Variants in CMC1 observed in about 807,000 individuals in gnomAD.
CMC1 encodes C-X9-C motif containing 1.
In CMC1, 14 loss-of-function variants were observed where a neutral mutation model predicts 14.1. The observed-to-expected ratio is 0.99, with a 90% CI of 0.66 to 1.55. CMC1 has a LOEUF of 1.55. CMC1 is among the 40% of genes most tolerant of loss of function. The probability of loss-of-function intolerance (pLI) is 0.00; values close to 1 mark genes in which losing one functional copy is unlikely to be tolerated. For missense variants in CMC1, 127 were observed against 123.8 expected (o/e 1.03, Z -0.12); for synonymous variants, 50 against 38.4 (o/e 1.30, Z -1.12).
chr3:28,271,281 A>AGC (rs1700273143), intron 2 of CMC1, among the ~76,000 whole-genome samples: 1 of 151,812 alleles, frequency 6.6e-6, no homozygotes, highest in African/African-American at 2.4e-5. Flanking sequence ...TTATGTTTTG[A>AGC]TAGGGATGGT....
chr3:28,306,748 A>G (rs970179728), intron 2 of CMC1, among the ~76,000 whole-genome samples: 45 of 151,464 alleles, frequency 3.0e-4, no homozygotes, highest in African/African-American at 1.1e-3. Flanking sequence ...GGGTTCAAGC[A>G]ATTCTCCTGC....
chr3:28,291,013 A>G (rs1343638076), intron 2 of CMC1, among the ~76,000 whole-genome samples: 1 of 152,092 alleles, frequency 6.6e-6, no homozygotes, highest in Non-Finnish European at 1.5e-5. Context: ...TGTTGGCAGC[A>G]TTCAGTCTTC....
intron 2 of CMC1, among the ~76,000 whole-genome samples, chr3:28,286,158 T>TG (rs1701170177): frequency 6.6e-6 from 1 of 152,222 alleles, no homozygotes; most frequent in South Asian, 2.1e-4. Context: ...GAATCTAAGA[T>TG]ATCATTGTTG....
intron 2 of CMC1, among the ~76,000 whole-genome samples, chr3:28,293,323 G>C (rs1396251575): frequency 7.3e-6 from 1 of 136,706 alleles, no homozygotes. Flanking sequence ...TTTTTTTTTC[G>C]AGTGGCTGGG....
chr3:28,253,316 T>A (rs533422090), intron 1 of CMC1, among the ~76,000 whole-genome samples: 2 of 152,206 alleles, frequency 1.3e-5, no homozygotes, highest in Admixed American at 1.3e-4. Context: ...GGCAGCTCAC[T>A]CCTGTAATCC....
At chr3:28,286,435 T>C (rs984346979) in intron 2 of CMC1, among the ~76,000 whole-genome samples, 2 of 152,206 alleles carry the variant, frequency 1.3e-5, no homozygotes, top group African/African-American at 2.4e-5. Flanking sequence ...ATTTAGTGAA[T>C]GTAAAGTTAT....
At chr3:28,241,966 G>T in intron 1 of CMC1, 154 bp downstream of exon 1, 1 of 651,068 alleles carries the variant, frequency 1.5e-6, no homozygotes, top group Non-Finnish European at 2.2e-6. Context: ...TGCTTCGCCC[G>T]GTCTGAGGTC....
At chr3:28,317,185 C>T (rs1012937800) in intron 3 of CMC1, 1 of 151,864 alleles carries the variant, frequency 6.6e-6, no homozygotes, top group Non-Finnish European at 1.5e-5. Flanking sequence ...GTAATGAACA[C>T]CCGAACCCTA....
At chr3:28,291,931 A>C (rs1359191376) in intron 2 of CMC1, 1 of 152,128 alleles carries the variant, frequency 6.6e-6, no homozygotes, top group African/African-American at 2.4e-5. Context: ...TGGTTTTTCT[A>C]GCCCCTGCTG....
rs1359653389 is a variant in CMC1 at position 28,320,614 on chromosome 3, TATATG to T, written c.*987_*991del. 2 of 151,454 alleles carry T rather than the reference TATATG, an allele frequency of 1.3e-5. No individual in the cohort carries two copies. The highest frequency in any genetic ancestry group is 3.0e-5 in the Non-Finnish European group (2 of 67,618). The allele number at this position is 151,454 out of a possible 1,614,324, so 9.4% of individuals were successfully genotyped here. A position where few individuals can be genotyped will look rare whatever the true frequency, so the allele number is the denominator to read the frequency against. On this transcript the variant is annotated 3_prime_UTR_variant, in exon 4 of 4. Transcript: ENST00000466830. ...AACCATAGATAAGGAGATACCTACT[TATATG>T]AATTAATTTTACTTACATCTTTGAT...
At chr3:28,243,677 T>C (rs918770158) in intron 1 of CMC1, among the ~76,000 whole-genome samples, 1 of 152,212 alleles carries the variant, frequency 6.6e-6, no homozygotes, top group Admixed American at 6.5e-5. Flanking sequence ...AAACAAAGAC[T>C]TGTTGAGTGT....
At chr3:28,294,826 T>G (rs1701659088) in intron 2 of CMC1, among the ~76,000 whole-genome samples, 1 of 152,150 alleles carries the variant, frequency 6.6e-6, no homozygotes, top group African/African-American at 2.4e-5. Context: ...CTTCTAGATT[T>G]GTCATTCTAA....
In CMC1 at chr3:28,263,274, G is replaced by T. The variant is rs1164926090; in HGVS notation, c.20-17G>T. On this transcript the variant is annotated splice_polypyrimidine_tract_variant and intron_variant, in intron 1 of 3. Transcript: ENST00000466830. Reference sequence around the variant, plus strand: ...TTTGCTTGAGACTTTATTAAAGAAAGATCTTTTTTTTTTCAGACCAGCATC... The same window carrying T: ...TTTGCTTGAGACTTTATTAAAGAAATATCTTTTTTTTTTCAGACCAGCATC... 1.3e-6 allele frequency: 2 copies of T among 1,557,960 alleles called. No individual in the cohort carries two copies. The highest frequency in any genetic ancestry group is 1.7e-6 in the Non-Finnish European group (2 of 1,143,982).
At chr3:28,311,172 T>C (rs1702621716) in intron 2 of CMC1, among the ~76,000 whole-genome samples, 1 of 152,162 alleles carries the variant, frequency 6.6e-6, no homozygotes, top group Non-Finnish European at 1.5e-5. Context: ...ACTCTTTTTT[T>C]TTTTCTGTAG....
rs376321066 is a variant in CMC1, at chr3:28,274,212, G to GTTTTTTT, written c.109+10833_109+10839dup. Among the ~76,000 whole-genome samples the GTTTTTTT allele has an allele frequency of 8.0e-3, 706 of 88,004 alleles. 48 individuals are homozygous for GTTTTTTT. The highest frequency in any genetic ancestry group is 0.01 in the Non-Finnish European group (473 of 46,288). 57.7% of individuals were successfully genotyped at this position (88,004 alleles called of 152,430 possible). A position where few individuals can be genotyped will look rare whatever the true frequency, so the allele number is the denominator to read the frequency against. ...TTGGTCTTTGTACTAAAGTGTTTTT[G>GTTTTTTT]TTTTTTTCTTTTTTTTTTTTTTTGC... On this transcript the variant is annotated intron_variant, in intron 2 of 3. Transcript: ENST00000466830.
rs1008923311 is a variant in CMC1, at chr3:28,323,865, T to C, written c.*4236T>C. 6.7e-6 allele frequency: 4 copies of C among 593,266 alleles called. No homozygotes were observed. The African/African-American group carries it at 7.5e-5, about 11-fold the overall frequency. 36.8% of individuals were successfully genotyped at this position (593,266 alleles called of 1,614,324 possible). On this transcript the variant is annotated 3_prime_UTR_variant, in exon 4 of 4. Transcript: ENST00000466830. ...TATGGAGCTAGAGGGTGCTCTTTCA[T>C]ACTAGAAAACCAACTATGTTGGTTT... is the stretch of plus-strand genomic sequence containing the variant.
chr3:28,241,891 A>G (rs1277202891), intron 1 of CMC1, 79 bp downstream of exon 1: 42 of 1,216,402 alleles, frequency 3.5e-5, no homozygotes, highest in Non-Finnish European at 4.2e-5. Flanking sequence ...CTGGATGCCG[A>G]CCTGGGAAAG....
chr3:28,263,994 C>A (rs1223323434), intron 2 of CMC1, among the ~76,000 whole-genome samples: 1 of 152,048 alleles, frequency 6.6e-6, no homozygotes, highest in African/African-American at 2.4e-5. Context: ...ATGTAATATT[C>A]TAGTGAAACA....
intron 2 of CMC1, among the ~76,000 whole-genome samples, chr3:28,270,920 C>CTTTTTTTTTTTTT (rs71087680): frequency 2.4e-5 from 2 of 83,726 alleles, no homozygotes; most frequent in Non-Finnish European, 4.5e-5. Flanking sequence ...GAGTTAATTT[C>CTTTTTTTTTTTTT]TTTTTTTTTT....
Sources: allele counts gnomAD v4.1 joint callset (sites outside exome capture counted in the v4.1 genomes callset), GRCh38; gene constraint gnomAD v4.1.1; transcripts MANE v1.5; gene names NCBI Gene and HGNC (gene_info 2026-07-23, HGNC 2026-07-21).